Variants in ITPR1 observed in about 807,000 individuals in gnomAD.
ITPR1 encodes the protein inositol 1,4,5-trisphosphate receptor type 1, also known as inositol 1,4,5-trisphosphate-gated calcium channel ITPR1.
A neutral mutation model predicts 318.4 loss-of-function variants in ITPR1; 96 were observed. That is an observed-to-expected ratio of 0.30 (90% CI 0.26 to 0.36). ITPR1 has a LOEUF of 0.36. Among genes scored for constraint, ITPR1 ranks in the 10% least tolerant of loss-of-function variants. ITPR1 has a pLI of 1.00. For missense variants in ITPR1, 2,440 were observed against 3,460.2 expected (o/e 0.71, Z 7.40); for synonymous variants, 1,312 against 1,289.9 (o/e 1.02, Z -0.37).
At chr3:4,554,156 A>G (rs1290670160) in intron 4 of ITPR1, among the ~76,000 whole-genome samples, 1 of 152,236 alleles carries the variant, frequency 6.6e-6, no homozygotes, top group East Asian at 1.9e-4. Flanking sequence ...TTGGTGAGGA[A>G]ACAGGTTCAG....
At chr3:4,722,494 T>C (rs758290926) in intron 40 of ITPR1, among the ~76,000 whole-genome samples, 3 of 152,226 alleles carry the variant, frequency 2.0e-5, no homozygotes, top group Non-Finnish European at 4.4e-5. Context: ...AATAAAAATA[T>C]AATTCCATTT....
At chr3:4,803,780 A>G (rs532886263) in intron 54 of ITPR1, among the ~76,000 whole-genome samples, 4 of 152,284 alleles carry the variant, frequency 2.6e-5, no homozygotes, top group Non-Finnish European at 4.4e-5. Flanking sequence ...CAGTTGGGGG[A>G]AAGACTCAAC....
chr3:4,697,338 G>GTGTGTGTT lies in ITPR1; in HGVS notation c.4407+73_4407+74insTTGTGTGT. 5 of 1,412,722 alleles carry GTGTGTGTT rather than the reference G, an allele frequency of 3.5e-6. No individual in the cohort carries two copies. The South Asian group carries it at 6.9e-5, about 19-fold the overall frequency. 87.5% of individuals were successfully genotyped at this position (1,412,722 alleles called of 1,614,324 possible). On this transcript the variant is annotated intron_variant, in intron 34 of 61. Transcript: ENST00000649015. ...GAGGTGTGTGTGTGTGTGTGTGTGT[G>GTGTGTGTT]TGTGTGTGTGTGTGTAGCATCTTTG...
chr3:4,596,216 C>A (rs2090802707), intron 4 of ITPR1: 1 of 152,086 alleles, frequency 6.6e-6, no homozygotes, highest in African/African-American at 2.4e-5. Context: ...TCCTGATGAG[C>A]CAAGAATTAA....
chr3:4,823,218 G>A (rs554258138), intron 60 of ITPR1, among the ~76,000 whole-genome samples: 9 of 152,276 alleles, frequency 5.9e-5, no homozygotes, highest in Admixed American at 2.6e-4. Context: ...TGGGCATGTT[G>A]CAGTTAAAAG....
At chr3:4,638,906 C>T (rs190372425) in intron 5 of ITPR1, among the ~76,000 whole-genome samples, 1 of 152,206 alleles carries the variant, frequency 6.6e-6, no homozygotes, top group Admixed American at 6.5e-5. Flanking sequence ...ACCATCTGAT[C>T]CTTATTTTAC....
At chr3:4,750,780 A>G (rs2044445963) in intron 44 of ITPR1, 1 of 145,226 alleles carries the variant, frequency 6.9e-6, no homozygotes, top group Non-Finnish European at 1.5e-5. Context: ...CTTGTTTCTC[A>G]CACCTACTCA....
chr3:4,692,156 A>AG (rs1420391189), intron 32 of ITPR1, among the ~76,000 whole-genome samples: 1 of 151,592 alleles, frequency 6.6e-6, no homozygotes, highest in Non-Finnish European at 1.5e-5. Context: ...AAAAAAAATA[A>AG]AAAAAAGAGA....
intron 44 of ITPR1, among the ~76,000 whole-genome samples, chr3:4,755,973 G>C (rs908448325): frequency 1.3e-5 from 2 of 152,196 alleles, no homozygotes; most frequent in African/African-American, 4.8e-5. Flanking sequence ...AGAGAGGCTG[G>C]TAAACTGAGA....
At chr3:4,647,042 AC>A (rs1284379224) in intron 10 of ITPR1, among the ~76,000 whole-genome samples, 1 of 152,054 alleles carries the variant, frequency 6.6e-6, no homozygotes, top group East Asian at 1.9e-4. Context: ...TGATAGCAGC[AC>A]CCAGAAGGTC....
At chr3:4,814,608 G>GGT in intron 58 of ITPR1, 46 bp downstream of exon 58, 1 of 1,159,006 alleles carries the variant, frequency 8.6e-7, no homozygotes, top group Admixed American at 1.9e-5. Context: ...GGCGGGTGGG[G>GGT]TGGTTGGTGG....
rs184800989 is a variant in ITPR1, at chr3:4,843,497, G to A, written c.8191-2642G>A. On this transcript the variant is annotated intron_variant, in intron 61 of 61. Transcript: ENST00000649015. ...CATCATCTGGGAAATCGTTAGAAAA[G>A]CAGATTCATGGGACCTACCCCAGAC... Among the ~76,000 whole-genome samples, 88 of 152,258 alleles carry A rather than the reference G, an allele frequency of 5.8e-4. No individual in the cohort carries two copies. The East Asian group carries it at 9.5e-3, about 16-fold the overall frequency.
At chr3:4,634,693 C>T (rs1237391668) in intron 5 of ITPR1, among the ~76,000 whole-genome samples, 1 of 152,134 alleles carries the variant, frequency 6.6e-6, no homozygotes, top group Non-Finnish European at 1.5e-5. Flanking sequence ...GATGTTTTCC[C>T]TACTCTCCTA....
intron 12 of ITPR1, among the ~76,000 whole-genome samples, chr3:4,656,836 G>C (rs1449530085): frequency 1.3e-5 from 2 of 152,216 alleles, no homozygotes; most frequent in Admixed American, 6.5e-5. Flanking sequence ...AATAGATGCA[G>C]GTGGAGGCTG....
chr3:4,803,902 C>G (rs1045630060), intron 54 of ITPR1, among the ~76,000 whole-genome samples: 8 of 152,106 alleles, frequency 5.3e-5, no homozygotes, highest in Non-Finnish European at 7.4e-5. Flanking sequence ...GACAGAGTCT[C>G]GATCTGTCAC....
At chr3:4,634,577 A>G (rs1160811699) in intron 5 of ITPR1, among the ~76,000 whole-genome samples, 1 of 152,226 alleles carries the variant, frequency 6.6e-6, no homozygotes. Context: ...ACACACTTGT[A>G]TTTTAGGAGG....
intron 17 of ITPR1, among the ~76,000 whole-genome samples, chr3:4,666,395 T>C (rs1373051718): frequency 6.6e-6 from 1 of 152,218 alleles, no homozygotes; most frequent in African/African-American, 2.4e-5. Flanking sequence ...AGAGATTTTA[T>C]TCTGTTCCTC....
At chr3:4,515,444 T>C (rs1241221954) in intron 2 of ITPR1, among the ~76,000 whole-genome samples, 4 of 152,144 alleles carry the variant, frequency 2.6e-5, no homozygotes, top group African/African-American at 9.7e-5. Flanking sequence ...GGAGGGGTTT[T>C]GGGAAAACCT....
chr3:4,807,445 C>T (rs554782842), intron 55 of ITPR1, among the ~76,000 whole-genome samples: 74 of 152,334 alleles, frequency 4.9e-4, no homozygotes, highest in Non-Finnish European at 9.6e-4. Context: ...ACAGTTTCCT[C>T]ATCTACAAAA....
Sources: allele counts gnomAD v4.1 joint callset (sites outside exome capture counted in the v4.1 genomes callset), GRCh38; gene constraint gnomAD v4.1.1; transcripts MANE v1.5; gene names NCBI Gene and HGNC (gene_info 2026-07-23, HGNC 2026-07-21).